Variants in NAT2 observed in about 807,000 individuals in gnomAD.
NAT2 encodes arylamine N-acetyltransferase 2.
For synonymous variants in NAT2, 137 were observed against 125.9 expected (o/e 1.09, Z -0.59); for missense variants, 428 against 339.1 (o/e 1.26, Z -2.06).
At chr8:18,386,568 C>T (rs1202294604), upstream of NAT2, among the ~76,000 whole-genome samples, 2 of 152,170 alleles carry the variant, frequency 1.3e-5, no homozygotes, top group Middle Eastern at 3.2e-3. Flanking sequence ...TGCCAGGTGC[C>T]CATACACCCC....
chr8:18,400,796 G>C lies in NAT2; in HGVS notation c.793G>C (p.Glu265Gln). The C allele has an allele frequency of 3.7e-6, 6 of 1,612,516 alleles. No homozygotes were observed. Among genetic ancestry groups the C allele is most frequent in the Non-Finnish European group, 5.1e-6 (6 of 1,179,688 alleles). Residue 265 changes from glutamate to glutamine, a missense_variant, in exon 2 of 2, where the codon GAA (glutamate) becomes CAA (glutamine). Glu to Gln is a conservative substitution (Grantham distance 29). Coordinates refer to ENST00000286479, the MANE Select transcript of NAT2 (RefSeq NM_000015.3). ...FKTLTEEEVE[E>Q]VLRNIFKISL... ...AACTCTCACTGAGGAAGAGGTTGAA[G>C]AAGTGCTGAGAAATATATTTAAGAT...
chr8:18,386,357 C>A (rs1225352919), upstream of NAT2, among the ~76,000 whole-genome samples: 1 of 152,208 alleles, frequency 6.6e-6, no homozygotes, highest in Non-Finnish European at 1.5e-5. Context: ...CAGAGGTGGC[C>A]ATGTGGCCCA....
At chr8:18,395,863 T>C (rs2117616344) in intron 1 of NAT2, among the ~76,000 whole-genome samples, 1 of 152,026 alleles carries the variant, frequency 6.6e-6, no homozygotes, top group East Asian at 1.9e-4. Context: ...CCTTCACTCT[T>C]TGAGAGAGAG....
chr8:18,387,800 G>GA (rs1800529791), upstream of NAT2: 1 of 152,790 alleles, frequency 6.5e-6, no homozygotes, highest in Admixed American at 6.5e-5. Context: ...ATGTATGGGG[G>GA]AAAGAGAACC....
Position 18,400,528 on chromosome 8 carries a change from T to C in NAT2, c.525T>C (p.Phe175=). Residue 175 remains phenylalanine, a synonymous_variant, in exon 2 of 2, where the codon TTT becomes TTC. Transcript: ENST00000286479. ...RREQYITNKE[F]LNSHLLPKKK... ...AGCAGTATATTACAAACAAAGAATT[T>C]CTTAATTCTCATCTCCTGCCAAAGA... 1.2e-6 allele frequency: 2 copies of C among 1,612,828 alleles called. No individual in the cohort carries two copies. The highest frequency in any genetic ancestry group is 1.7e-6 in the Non-Finnish European group (2 of 1,179,664).
intron 1 of NAT2, among the ~76,000 whole-genome samples, chr8:18,397,776 T>G (rs1158817528): frequency 3.9e-5 from 6 of 152,242 alleles, no homozygotes; most frequent in Non-Finnish European, 7.4e-5. Context: ...AAGTTCAACT[T>G]CTGGTGTATC....
rs138694606 is a variant in NAT2, at chr8:18,391,712, T to C, written c.-7+367T>C. Among the ~76,000 whole-genome samples the C allele has an allele frequency of 3.9e-5, 6 of 152,356 alleles. No homozygotes were observed. The East Asian group carries it at 1.2e-3, about 29-fold the overall frequency. Reference sequence around the variant, plus strand: ...ATATTTAATCCCCAAAATATATTTCTTTGACACATATTGAAATGGTCTTGC... The same window carrying C: ...ATATTTAATCCCCAAAATATATTTCCTTGACACATATTGAAATGGTCTTGC... On this transcript the variant is annotated intron_variant, in intron 1 of 1. Coordinates refer to ENST00000286479, the MANE Select transcript of NAT2 (RefSeq NM_000015.3).
intron 1 of NAT2, among the ~76,000 whole-genome samples, chr8:18,392,958 T>C (rs140361055): frequency 3.5e-4 from 53 of 152,160 alleles, no homozygotes; most frequent in African/African-American, 1.2e-3. Context: ...GGTGTCAGAC[T>C]CTCAATCGCT....
In NAT2 at chr8:18,400,506, A is replaced by T; in HGVS notation, c.503A>T (p.Gln168Leu). 1.2e-6 allele frequency: 2 copies of T among 1,613,568 alleles called. No individual in the cohort carries two copies. Among genetic ancestry groups the T allele is most frequent in the Non-Finnish European group, 1.7e-6 (2 of 1,179,852 alleles). The change falls in exon 2 of 2, where the codon CAG becomes CTG. Residue 168 changes from glutamine to leucine, a missense_variant. By Grantham distance (113) the Gln-to-Leu change is moderately radical. Transcript: ENST00000286479. ...IWYLDQIRRE[Q>L]YITNKEFLNS... ...TACCTGGACCAAATCAGGAGAGAGC[A>T]GTATATTACAAACAAAGAATTTCTT...
At chr8:18,395,544 C>G (rs1800669208) in intron 1 of NAT2, among the ~76,000 whole-genome samples, 1 of 152,016 alleles carries the variant, frequency 6.6e-6, no homozygotes, top group Non-Finnish European at 1.5e-5. Context: ...TTTAACATGC[C>G]AAATACACCG....
chr8:18,391,952 T>C (rs1429723528), intron 1 of NAT2, among the ~76,000 whole-genome samples: 1 of 152,228 alleles, frequency 6.6e-6, no homozygotes, highest in Non-Finnish European at 1.5e-5. Flanking sequence ...CCGCAAGTCT[T>C]TAGACAAAAC....
At chr8:18,391,936 T>A (rs1238677502) in intron 1 of NAT2, among the ~76,000 whole-genome samples, 1 of 152,242 alleles carries the variant, frequency 6.6e-6, no homozygotes, top group Non-Finnish European at 1.5e-5. Context: ...CATTTAATTG[T>A]ACTGACCGCA....
chr8:18,400,114 T>C lies in NAT2; in HGVS notation c.111T>C (p.Phe37=), dbSNP rs72554615. Residue 37 remains phenylalanine, a synonymous_variant, in exon 2 of 2, where the codon TTT becomes TTC. Coordinates refer to ENST00000286479, the MANE Select transcript of NAT2 (RefSeq NM_000015.3). The part of the protein sequence containing the change: ...ILEHQIRAVP[F]ENLNMHCGQA... The stretch of plus-strand genomic sequence containing the variant: ...AGCACCAGATCCGGGCTGTTCCCTT[T>C]GAGAACCTTAACATGCATTGTGGGC... 127 of 1,613,858 alleles carry C rather than the reference T, an allele frequency of 7.9e-5. No individual in the cohort carries two copies. The highest frequency in any genetic ancestry group is 9.7e-5 in the Non-Finnish European group (114 of 1,179,900).
At chr8:18,391,955 G>C (rs556995459) in intron 1 of NAT2, among the ~76,000 whole-genome samples, 6 of 152,190 alleles carry the variant, frequency 3.9e-5, no homozygotes, top group Non-Finnish European at 8.8e-5. Context: ...CAAGTCTTTA[G>C]ACAAAACTTA....
At chr8:18,396,923 T>C (rs1439438203) in intron 1 of NAT2, among the ~76,000 whole-genome samples, 1 of 152,182 alleles carries the variant, frequency 6.6e-6, no homozygotes, top group Non-Finnish European at 1.5e-5. Flanking sequence ...AATGAATAAA[T>C]TGAACAAATA....
rs4986997 is a variant in NAT2, at chr8:18,400,414, A to C, written c.411A>C (p.Leu137Phe). 6.8e-6 allele frequency: 11 copies of C among 1,611,950 alleles called. No individual in the cohort carries two copies. The highest frequency in any genetic ancestry group is 9.3e-6 in the Non-Finnish European group (11 of 1,179,476). Residue 137 changes from leucine (L) to phenylalanine (F), a missense_variant, in exon 2 of 2, where the codon TTA becomes TTC. Transcript: ENST00000286479. Reference protein sequence around the residue: ...SSSQMWQPLELISGKDQPQVP... With the variant: ...SSSQMWQPLEFISGKDQPQVP... ...CCCAGATGTGGCAGCCTCTAGAATT[A>C]ATTTCTGGGAAGGATCAGCCTCAGG...
chr8:18,386,842 C>A (rs551098386), upstream of NAT2, among the ~76,000 whole-genome samples: 1 of 152,292 alleles, frequency 6.6e-6, no homozygotes, highest in East Asian at 1.9e-4. Flanking sequence ...GAAGGATCTG[C>A]GCCCTGTGTT....
upstream of NAT2, among the ~76,000 whole-genome samples, chr8:18,386,439 G>C (rs892073081): frequency 6.6e-6 from 1 of 152,026 alleles, no homozygotes; most frequent in East Asian, 1.9e-4. Context: ...AATGCGGCCC[G>C]GGCTACTAAG....
chr8:18,399,567 G>C (rs1800751687), intron 1 of NAT2, among the ~76,000 whole-genome samples: 1 of 152,150 alleles, frequency 6.6e-6, no homozygotes, highest in Non-Finnish European at 1.5e-5. Context: ...AGCTAAATGG[G>C]AAATCAAGTG....
Sources: gnomAD v4.1 joint callset for allele counts (sites outside exome capture counted in the v4.1 genomes callset) on GRCh38, gnomAD v4.1.1 for gene constraint, MANE v1.5 for transcripts, NCBI Gene and HGNC (gene_info 2026-07-23, HGNC 2026-07-21) for gene names.